The following RAB38 variants were observed in gnomAD, a reference collection of about 807,000 sequenced individuals.
RAB38 encodes RAB38, member RAS oncogene family, also known as ras-related protein Rab-38.
In RAB38, 15 loss-of-function variants were observed where a neutral mutation model predicts 18.4. The observed-to-expected ratio is 0.82, with a 90% CI of 0.55 to 1.26. The LOEUF (loss-of-function observed/expected upper bound fraction) is 1.26, where lower values mean the gene tolerates loss of function less well. Ranked by LOEUF, RAB38 falls within the 50% of genes most tolerant of loss-of-function variation. The probability of loss-of-function intolerance (pLI) is 0.00; values close to 1 mark genes in which losing one functional copy is unlikely to be tolerated. For synonymous variants in RAB38, 101 were observed against 104.4 expected (o/e 0.97, Z 0.20); for missense variants, 294 against 267.4 (o/e 1.10, Z -0.69).
At chr11:87,894,528 T>C in the RAB38 span, among the ~76,000 whole-genome samples, 5 of 151,600 alleles carry the variant, frequency 3.3e-5, no homozygotes, top group African/African-American at 1.2e-4. Context: ...CATTTTGAGA[T>C]AGTTGTATTA....
the RAB38 span, among the ~76,000 whole-genome samples, chr11:88,106,825 AT>A: frequency 6.6e-6 from 1 of 152,164 alleles, no homozygotes; most frequent in African/African-American, 2.4e-5. Context: ...ATATTGGGAA[AT>A]TTTCCGGTTG....
chr11:87,934,450 G>T, the RAB38 span, among the ~76,000 whole-genome samples: 1 of 152,084 alleles, frequency 6.6e-6, no homozygotes, highest in Non-Finnish European at 1.5e-5. Context: ...TAGCCTGGCA[G>T]AAAATCCACC....
At chr11:88,147,908 C>T (rs550069707) in intron 2 of RAB38, among the ~76,000 whole-genome samples, 7 of 151,776 alleles carry the variant, frequency 4.6e-5, no homozygotes, top group Non-Finnish European at 7.4e-5. Flanking sequence ...AACAAACAAA[C>T]AAAAAAAGAA....
chr11:87,848,966 G>A, the RAB38 span, among the ~76,000 whole-genome samples: 1 of 151,988 alleles, frequency 6.6e-6, no homozygotes, highest in Middle Eastern at 3.4e-3. Flanking sequence ...AATAAAAATG[G>A]CCTTTTGTCC....
At chr11:88,044,937 C>T in the RAB38 span, among the ~76,000 whole-genome samples, 1 of 151,984 alleles carries the variant, frequency 6.6e-6, no homozygotes, top group African/African-American at 2.4e-5. Context: ...CTTACAGTTT[C>T]ATTCTGCGAC....
the RAB38 span, among the ~76,000 whole-genome samples, chr11:87,967,573 T>C: frequency 6.6e-6 from 1 of 152,270 alleles, no homozygotes; most frequent in Middle Eastern, 3.4e-3. Flanking sequence ...TTAAGCCCAA[T>C]GCAATACATT....
At chr11:88,111,704 A>G (rs1247041166), downstream of RAB38, among the ~76,000 whole-genome samples, 4 of 152,224 alleles carry the variant, frequency 2.6e-5, no homozygotes. Flanking sequence ...ATAAAAACAG[A>G]GCAACATCTC....
chr11:87,903,721 A>G, the RAB38 span, among the ~76,000 whole-genome samples: 1 of 151,484 alleles, frequency 6.6e-6, no homozygotes, highest in Non-Finnish European at 1.5e-5. Flanking sequence ...ATTCATAACT[A>G]TGAAATCATT....
At chr11:87,847,515 C>A in the RAB38 span, among the ~76,000 whole-genome samples, 1 of 151,954 alleles carries the variant, frequency 6.6e-6, no homozygotes, top group South Asian at 2.1e-4. Context: ...CCCTCTCTTT[C>A]AAAACAAAAC....
chr11:87,899,974 A>G, the RAB38 span, among the ~76,000 whole-genome samples: 9 of 151,280 alleles, frequency 5.9e-5, no homozygotes, highest in African/African-American at 1.9e-4. Flanking sequence ...TTTTTTCCCC[A>G]TAGTCATTCC....
At chr11:87,895,492 G>T in the RAB38 span, among the ~76,000 whole-genome samples, 1 of 151,550 alleles carries the variant, frequency 6.6e-6, no homozygotes, top group Non-Finnish European at 1.5e-5. Context: ...TCAAGCATGG[G>T]ATGGGCAACT....
chr11:87,976,796 A>T, the RAB38 span, among the ~76,000 whole-genome samples: 46 of 80,266 alleles, frequency 5.7e-4, 4 homozygotes, highest in African/African-American at 2.4e-3. Flanking sequence ...TATAATATAT[A>T]CTTATAATAT....
chr11:88,081,034 C>A, the RAB38 span, among the ~76,000 whole-genome samples: 7 of 151,952 alleles, frequency 4.6e-5, no homozygotes, highest in Non-Finnish European at 8.8e-5. Flanking sequence ...ATAAAAAATA[C>A]TCATTTAAAG....
the RAB38 span, among the ~76,000 whole-genome samples, chr11:87,868,585 G>C: frequency 1.5e-4 from 1 of 6,684 alleles, no homozygotes; most frequent in African/African-American, 4.3e-4. Flanking sequence ...GAGGGAGAGA[G>C]AGAGAGAGAG....
intron 2 of RAB38, among the ~76,000 whole-genome samples, chr11:88,136,054 T>A (rs1470086469): frequency 1.3e-5 from 2 of 152,198 alleles, no homozygotes; most frequent in African/African-American, 4.8e-5. Context: ...AGGAAATGGA[T>A]TTACAAATCT....
the RAB38 span, among the ~76,000 whole-genome samples, chr11:87,884,847 A>T: frequency 6.6e-6 from 1 of 152,042 alleles, no homozygotes; most frequent in South Asian, 2.1e-4. Context: ...CTACTGTATC[A>T]AGAATCTACA....
the RAB38 span, among the ~76,000 whole-genome samples, chr11:87,862,086 A>T: frequency 4.8e-4 from 73 of 152,100 alleles, no homozygotes; most frequent in African/African-American, 1.7e-3. Flanking sequence ...CAGTTAAACT[A>T]TTGTGGAAGA....
the RAB38 span, among the ~76,000 whole-genome samples, chr11:88,065,072 C>A: frequency 6.6e-6 from 1 of 152,100 alleles, no homozygotes; most frequent in Non-Finnish European, 1.5e-5. Context: ...TTTATATGGG[C>A]AGACCTCTGT....
intron 2 of RAB38, among the ~76,000 whole-genome samples, chr11:88,147,879 C>T (rs1028109967): frequency 1.3e-5 from 2 of 151,720 alleles, no homozygotes; most frequent in East Asian, 1.9e-4. Context: ...GGTGACAGAG[C>T]GAGACTCTGT....
Sources: allele counts gnomAD v4.1 joint callset (sites outside exome capture counted in the v4.1 genomes callset), GRCh38; gene constraint gnomAD v4.1.1; transcripts MANE v1.5; gene names NCBI Gene and HGNC (gene_info 2026-07-23, HGNC 2026-07-21).